Variants in MRPS9 observed in about 807,000 individuals in gnomAD.
MRPS9 encodes the protein small ribosomal subunit protein uS9m.
In MRPS9, 45 loss-of-function variants were observed where a neutral mutation model predicts 59.9. The ratio of observed to expected loss-of-function variants is 0.75; its 90% confidence interval spans 0.59 to 0.96. The LOEUF (loss-of-function observed/expected upper bound fraction) is 0.96. MRPS9 is among the 40% of genes least tolerant of loss of function. MRPS9 has a pLI of 0.00. For synonymous variants in MRPS9, 171 were observed against 166.8 expected (o/e 1.03, Z -0.19); for missense variants, 473 against 481.1 (o/e 0.98, Z 0.16).
chr2:105,077,034 G>A (rs1209374762), intron 4 of MRPS9, among the ~76,000 whole-genome samples: 1 of 152,164 alleles, frequency 6.6e-6, no homozygotes, highest in Non-Finnish European at 1.5e-5. Context: ...GGATCACAAG[G>A]TCAGGAGTTC....
chr2:105,074,114 G>C (rs1052806362), intron 4 of MRPS9, among the ~76,000 whole-genome samples: 7 of 152,104 alleles, frequency 4.6e-5, no homozygotes, highest in African/African-American at 1.7e-4. Flanking sequence ...TTACAGACAT[G>C]ACAATGACAA....
rs189167340 is a variant in MRPS9, at chr2:105,090,237, C to T, written c.651+242C>T. Among the ~76,000 whole-genome samples, 296 of 152,316 alleles carry T rather than the reference C, an allele frequency of 1.9e-3. 1 individual carries two copies. Among genetic ancestry groups the T allele is most frequent in the Middle Eastern group, 6.8e-3 (2 of 294 alleles). On this transcript the variant is annotated intron_variant, in intron 7 of 10. Coordinates refer to ENST00000258455, the MANE Select transcript of MRPS9 (RefSeq NM_182640.3). Reference sequence around the variant, plus strand: ...TGACTTGTCGAGTCTCCAAGTCCTCCTCTTGTAAGTGCCCTCATATCCTGT... The same window carrying T: ...TGACTTGTCGAGTCTCCAAGTCCTCTTCTTGTAAGTGCCCTCATATCCTGT...
chr2:105,095,427 A>C (rs1343048743), intron 9 of MRPS9, among the ~76,000 whole-genome samples: 1 of 151,908 alleles, frequency 6.6e-6, no homozygotes, highest in African/African-American at 2.4e-5. Flanking sequence ...TATATAACTG[A>C]GTCATGGAGC....
At chr2:105,062,282 C>T (rs1679921249) in intron 2 of MRPS9, among the ~76,000 whole-genome samples, 1 of 152,208 alleles carries the variant, frequency 6.6e-6, no homozygotes, top group Admixed American at 6.5e-5. Flanking sequence ...CTTACCTTTA[C>T]TCTTTAAGAT....
At chr2:105,098,410 G>C (rs1328453220) in intron 10 of MRPS9, 4 of 152,286 alleles carry the variant, frequency 2.6e-5, no homozygotes, top group Non-Finnish European at 2.9e-5. Flanking sequence ...AGCCGCTGAG[G>C]TTCAATAAAA....
chr2:105,075,385 T>C (rs1680189839), intron 4 of MRPS9, among the ~76,000 whole-genome samples: 1 of 152,050 alleles, frequency 6.6e-6, no homozygotes, highest in African/African-American at 2.4e-5. Context: ...GGCCCAGGGG[T>C]TGGGTACCCC....
intron 2 of MRPS9, 88 bp from the exon 3 acceptor site, chr2:105,071,225 T>A: frequency 1.0e-6 from 1 of 977,560 alleles, no homozygotes; most frequent in South Asian, 1.7e-5. Flanking sequence ...TCTAGTTCAA[T>A]GTCCAGCATA....
At chr2:105,083,245 A>G (rs1258836824) in intron 5 of MRPS9, among the ~76,000 whole-genome samples, 2 of 152,230 alleles carry the variant, frequency 1.3e-5, no homozygotes, top group Non-Finnish European at 2.9e-5. Flanking sequence ...ATAAAATGCT[A>G]TACAGCAAGA....
chr2:105,072,302 A>C lies in MRPS9; in HGVS notation c.409+813A>C, dbSNP rs192845057. 2.6e-3 allele frequency among the ~76,000 whole-genome samples: 396 copies of C among 150,728 alleles called. 2 individuals carry two copies. Among genetic ancestry groups the C allele is most frequent in the Middle Eastern group, 0.014 (4 of 292 alleles). On this transcript the variant is annotated intron_variant, in intron 4 of 10. Transcript: ENST00000258455. ...GCATCATCGCAGTCTTTCAGTTTTG[A>C]TTTTCTTGCAGTGGAGCAGTGAACT...
At chr2:105,090,260 T>C (rs1359756397) in intron 7 of MRPS9, among the ~76,000 whole-genome samples, 1 of 152,246 alleles carries the variant, frequency 6.6e-6, no homozygotes, top group Non-Finnish European at 1.5e-5. Context: ...CCTCATATCC[T>C]GTGCCAGTTG....
chr2:105,049,051 A>G, intron 1 of MRPS9, 120 bp from the exon 2 acceptor site: 1 of 692,522 alleles, frequency 1.4e-6, no homozygotes. Context: ...GACTCCTGTC[A>G]CTTGAATACC....
rs1680600715 is a variant in MRPS9, at chr2:105,093,557, C to G, written c.848C>G (p.Ala283Gly). The part of the protein sequence containing the change: ...EGKRKTAKAE[A>G]IVYKHGSGRI... Reference sequence around the variant, plus strand: ...AAAAGAAAGACTGCAAAAGCAGAAGCAATTGTTTATAAACATGGAAGTGGA... The same window carrying G: ...AAAAGAAAGACTGCAAAAGCAGAAGGAATTGTTTATAAACATGGAAGTGGA... Residue 283 changes from alanine (A) to glycine (G), a missense_variant, in exon 9 of 11, where the codon GCA (alanine) becomes GGA (glycine). Ala to Gly is a moderately conservative substitution (Grantham distance 60). Coordinates refer to ENST00000258455, the MANE Select transcript of MRPS9 (RefSeq NM_182640.3). 1.0e-5 allele frequency: 16 copies of G among 1,599,076 alleles called. No homozygotes were observed. In the East Asian group the frequency reaches 2.5e-4, roughly 25 times the overall value.
intron 4 of MRPS9, among the ~76,000 whole-genome samples, chr2:105,079,496 G>A (rs770495208): frequency 1.3e-5 from 2 of 152,092 alleles, no homozygotes; most frequent in Non-Finnish European, 2.9e-5. Context: ...ACTCTCGGAG[G>A]TTGATGACCA....
At chr2:105,051,325 A>T (rs1351759871) in intron 2 of MRPS9, among the ~76,000 whole-genome samples, 1 of 152,166 alleles carries the variant, frequency 6.6e-6, no homozygotes, top group African/African-American at 2.4e-5. Context: ...GAATTATTTT[A>T]TCACTTATAT....
chr2:105,077,136 T>C (rs1458487724), intron 4 of MRPS9, among the ~76,000 whole-genome samples: 1 of 151,702 alleles, frequency 6.6e-6, no homozygotes, highest in Non-Finnish European at 1.5e-5. Flanking sequence ...TCCCAGCTAC[T>C]CGGGAGGCTA....
chr2:105,059,577 G>GT lies in MRPS9; in HGVS notation c.315+10237dup, dbSNP rs535555401. On this transcript the variant is annotated intron_variant, in intron 2 of 10. Coordinates refer to ENST00000258455, the MANE Select transcript of MRPS9 (RefSeq NM_182640.3). ...TATGTTTTCATTTTTTGTTTTTTTT[G>GT]TTTTTTTTTTGTGGAAGGGTTGGGT... Among the ~76,000 whole-genome samples the GT allele has an allele frequency of 7.2e-3, 1,056 of 145,744 alleles. 13 individuals carry two copies. The highest frequency in any genetic ancestry group is 0.021 in the East Asian group (103 of 5,004).
At position 105,061,570 on chromosome 2, in the gene MRPS9, A is replaced by G. The variant is rs1341763408; in HGVS notation, c.316-9743A>G. 2.0e-5 allele frequency among the ~76,000 whole-genome samples: 3 copies of G among 152,214 alleles called. No homozygotes were observed. In the East Asian group the frequency reaches 5.8e-4, roughly 29 times the overall value. On this transcript the variant is annotated intron_variant, in intron 2 of 10. Coordinates refer to ENST00000258455, the MANE Select transcript of MRPS9 (RefSeq NM_182640.3). ...GCATTTTGATGTTTTTCTGACACAC[A>G]GAATTTCCAATAGTGCATCACTACC...
chr2:105,074,551 G>T (rs1266080090), intron 4 of MRPS9, among the ~76,000 whole-genome samples: 2 of 152,164 alleles, frequency 1.3e-5, no homozygotes, highest in African/African-American at 4.8e-5. Flanking sequence ...CTTCCTGTGT[G>T]TTAACTTACA....
At position 105,049,319 on chromosome 2, in the gene MRPS9, A is replaced by G; in HGVS notation, c.284A>G (p.Asp95Gly). ...CATTTAGCCAACATGATGGGAGAAG[A>G]TCCAGAAACTTTCACTCAAGAAGAT... ...KRHLANMMGEDPETFTQEDID... is the reference protein window; with the variant it reads ...KRHLANMMGEGPETFTQEDID... The change falls in exon 2 of 11, where the codon GAT becomes GGT. Residue 95 changes from aspartate to glycine, a missense_variant. Physicochemically the swap from Asp to Gly is moderately conservative, Grantham distance 94. Transcript: ENST00000258455. 1 of 1,611,354 alleles carries G rather than the reference A, an allele frequency of 6.2e-7. No individual in the cohort carries two copies. The highest frequency in any genetic ancestry group is 1.1e-5 in the South Asian group (1 of 90,420).
Sources: allele counts gnomAD v4.1 joint callset (sites outside exome capture counted in the v4.1 genomes callset), GRCh38; gene constraint gnomAD v4.1.1; transcripts MANE v1.5; gene names NCBI Gene and HGNC (gene_info 2026-07-23, HGNC 2026-07-21).